The following PTPRD variants were observed in gnomAD, a reference collection of about 807,000 sequenced individuals.
PTPRD encodes the protein receptor-type tyrosine-protein phosphatase delta.
Under a neutral mutation model 214.5 loss-of-function variants are expected in PTPRD, and 34 were observed. The ratio of observed to expected loss-of-function variants is 0.16; its 90% CI spans 0.12 to 0.21. PTPRD has a LOEUF of 0.21. Ranked by LOEUF, PTPRD falls within the 10% of genes least tolerant of loss-of-function variation. The pLI is 1.00. For missense variants in PTPRD, 2,545 were observed against 2,398.7 expected (o/e 1.06, Z -1.27); for synonymous variants, 1,128 against 845.7 (o/e 1.33, Z -5.79).
At chr9:9,765,375 T>C (rs2098698262) in intron 6 of PTPRD, among the ~76,000 whole-genome samples, 1 of 152,184 alleles carries the variant, frequency 6.6e-6, no homozygotes, top group African/African-American at 2.4e-5. Flanking sequence ...AGGCATCAAT[T>C]ACTAATGATA....
chr9:9,638,491 C>T (rs2095841965), intron 7 of PTPRD, among the ~76,000 whole-genome samples: 1 of 152,170 alleles, frequency 6.6e-6, no homozygotes, highest in Admixed American at 6.5e-5. Flanking sequence ...GAAAAGTCTT[C>T]ACTGACATGA....
At chr9:9,697,744 T>C (rs1339332784) in intron 7 of PTPRD, among the ~76,000 whole-genome samples, 1 of 152,218 alleles carries the variant, frequency 6.6e-6, no homozygotes, top group East Asian at 1.9e-4. Context: ...TTTCTTTTAA[T>C]AAACTTTCTA....
intron 5 of PTPRD, among the ~76,000 whole-genome samples, chr9:9,918,882 A>G (rs2081733253): frequency 6.6e-6 from 1 of 152,112 alleles, no homozygotes; most frequent in Non-Finnish European, 1.5e-5. Context: ...CTCCAACCCT[A>G]TACAAACATC....
At chr9:8,961,442 C>T (rs760267249) in intron 11 of PTPRD, among the ~76,000 whole-genome samples, 4 of 152,072 alleles carry the variant, frequency 2.6e-5, no homozygotes, top group Non-Finnish European at 5.9e-5. Context: ...TCCCATTTGG[C>T]CTGGTTCTGC....
chr9:9,897,051 A>G (rs1024723783), intron 5 of PTPRD, among the ~76,000 whole-genome samples: 2 of 151,976 alleles, frequency 1.3e-5, no homozygotes, highest in African/African-American at 4.8e-5. Flanking sequence ...GATTTGCCAT[A>G]TATCACAAGA....
At chr9:9,249,369 T>C (rs2099974477) in intron 9 of PTPRD, among the ~76,000 whole-genome samples, 1 of 152,020 alleles carries the variant, frequency 6.6e-6, no homozygotes, top group South Asian at 2.1e-4. Flanking sequence ...TCTTTATAAA[T>C]TACCCAGCCT....
intron 7 of PTPRD, among the ~76,000 whole-genome samples, chr9:9,591,291 G>T (rs2092703338): frequency 6.6e-6 from 1 of 151,960 alleles, no homozygotes; most frequent in South Asian, 2.1e-4. Flanking sequence ...CAGCCTCGGG[G>T]ACCAAAGACC....
At chr9:9,894,350 G>T (rs2074335269) in intron 5 of PTPRD, among the ~76,000 whole-genome samples, 2 of 151,944 alleles carry the variant, frequency 1.3e-5, no homozygotes, top group Non-Finnish European at 1.5e-5. Flanking sequence ...ATTCTTTAAA[G>T]GATCCTGAAG....
At chr9:8,854,243 T>C (rs991206336) in intron 11 of PTPRD, among the ~76,000 whole-genome samples, 1 of 152,124 alleles carries the variant, frequency 6.6e-6, no homozygotes, top group Non-Finnish European at 1.5e-5. Flanking sequence ...GATCACAAGT[T>C]AGAGCACAAG....
At chr9:9,001,942 T>C (rs1196923444) in intron 11 of PTPRD, among the ~76,000 whole-genome samples, 1 of 149,134 alleles carries the variant, frequency 6.7e-6, no homozygotes, top group African/African-American at 2.5e-5. Context: ...TGGCTTCCAA[T>C]ATGCAATAAT....
intron 2 of PTPRD, among the ~76,000 whole-genome samples, chr9:10,362,193 C>A (rs1254025942): frequency 6.6e-6 from 1 of 152,096 alleles, no homozygotes; most frequent in Admixed American, 6.6e-5. Flanking sequence ...AAAAGAGAAA[C>A]GTACTAGTGA....
intron 5 of PTPRD, among the ~76,000 whole-genome samples, chr9:9,830,857 C>T (rs2054590545): frequency 6.6e-6 from 1 of 151,810 alleles, no homozygotes; most frequent in Non-Finnish European, 1.5e-5. Context: ...CAATATATTC[C>T]TTTTCTACTT....
intron 5 of PTPRD, among the ~76,000 whole-genome samples, chr9:9,791,543 C>T (rs533224494): frequency 4.6e-5 from 7 of 152,090 alleles, no homozygotes; most frequent in Non-Finnish European, 1.0e-4. Context: ...TGATAAGTTT[C>T]TCTATCAAGC....
At chr9:10,443,655 C>T (rs577598187) in intron 2 of PTPRD, among the ~76,000 whole-genome samples, 2 of 151,486 alleles carry the variant, frequency 1.3e-5, no homozygotes, top group South Asian at 2.1e-4. Flanking sequence ...ATTCTCATAT[C>T]AAATAAGATT....
intron 11 of PTPRD, among the ~76,000 whole-genome samples, chr9:9,016,322 A>G (rs1404647744): frequency 6.6e-6 from 1 of 152,160 alleles, no homozygotes; most frequent in Non-Finnish European, 1.5e-5. Flanking sequence ...TACATTTGTA[A>G]TATACATGGG....
chr9:9,931,466 G>C (rs1217222864), intron 5 of PTPRD, among the ~76,000 whole-genome samples: 2 of 152,230 alleles, frequency 1.3e-5, no homozygotes, highest in African/African-American at 4.8e-5. Context: ...AGGGGTGACA[G>C]ATGGCACCTG....
At chr9:9,784,308 A>G (rs1261501692) in intron 5 of PTPRD, among the ~76,000 whole-genome samples, 1 of 152,102 alleles carries the variant, frequency 6.6e-6, no homozygotes, top group Non-Finnish European at 1.5e-5. Flanking sequence ...TTACTATGGA[A>G]AATTTTAAAG....
At chr9:8,839,694 T>A (rs887035132) in intron 11 of PTPRD, among the ~76,000 whole-genome samples, 3 of 152,094 alleles carry the variant, frequency 2.0e-5, no homozygotes, top group Non-Finnish European at 4.4e-5. Context: ...ATAACAACCC[T>A]AAAAAGAAAT....
chr9:9,849,226 GA>G (rs1241678807), intron 5 of PTPRD, among the ~76,000 whole-genome samples: 1 of 152,002 alleles, frequency 6.6e-6, no homozygotes, highest in Non-Finnish European at 1.5e-5. Context: ...GATCCCAAAG[GA>G]TCACGCTGTA....
Sources: allele counts gnomAD v4.1 joint callset (sites outside exome capture counted in the v4.1 genomes callset), GRCh38; gene constraint gnomAD v4.1.1; transcripts MANE v1.5; gene names NCBI Gene and HGNC (gene_info 2026-07-23, HGNC 2026-07-21).